The following SORCS2 variants were observed in gnomAD, a reference collection of about 807,000 sequenced individuals.
SORCS2 encodes the protein VPS10 domain-containing receptor SorCS2.
A neutral mutation model predicts 141.6 loss-of-function variants in SORCS2; 100 were observed. The observed-to-expected ratio is 0.71, with a 90% CI of 0.60 to 0.83. The LOEUF is 0.83. Among genes scored for constraint, SORCS2 ranks in the 40% least tolerant of loss-of-function variants. The pLI, the probability that SORCS2 is intolerant of heterozygous loss-of-function variation, is 0.00. For synonymous variants in SORCS2, 789 were observed against 676.9 expected (o/e 1.17, Z -2.57); for missense variants, 1,646 against 1,560.2 (o/e 1.05, Z -0.93).
intron 2 of SORCS2, among the ~76,000 whole-genome samples, chr4:7,401,636 G>A (rs13126413): frequency 0.15 from 22,365 of 152,150 alleles, 1,792 homozygotes; most frequent in Non-Finnish European, 0.18. Flanking sequence ...GAGCACGGCT[G>A]TTGGGCAGAG....
At chr4:7,558,975 G>A (rs1421094312) in intron 3 of SORCS2, among the ~76,000 whole-genome samples, 2 of 152,164 alleles carry the variant, frequency 1.3e-5, no homozygotes, top group Non-Finnish European at 2.9e-5. Flanking sequence ...CCTGCCCGAT[G>A]TCCCTCCTGC....
chr4:7,506,317 C>T (rs1358546599), intron 2 of SORCS2, among the ~76,000 whole-genome samples: 5 of 152,248 alleles, frequency 3.3e-5, no homozygotes, highest in African/African-American at 9.6e-5. Context: ...AAATATTTGG[C>T]GTCCAGCTCC....
At chr4:7,472,930 C>T (rs984388842) in intron 2 of SORCS2, among the ~76,000 whole-genome samples, 1 of 141,848 alleles carries the variant, frequency 7.0e-6, no homozygotes, top group Non-Finnish European at 1.5e-5. Context: ...AAAAAAAAAA[C>T]AAAATAGCCC....
chr4:7,661,379 C>A, intron 5 of SORCS2, 121 bp from the exon 6 acceptor site: 7 of 1,029,512 alleles, frequency 6.8e-6, no homozygotes, highest in Non-Finnish European at 1.0e-5. Context: ...CCTCCGGACC[C>A]ACAGAGCAAG....
intron 1 of SORCS2, among the ~76,000 whole-genome samples, chr4:7,378,944 T>C (rs1353007463): frequency 6.6e-6 from 1 of 152,204 alleles, no homozygotes; most frequent in Non-Finnish European, 1.5e-5. Flanking sequence ...TGACCCTGGC[T>C]GAGTGGGATG....
chr4:7,393,875 C>T (rs1010154317), intron 1 of SORCS2, among the ~76,000 whole-genome samples: 3 of 152,088 alleles, frequency 2.0e-5, no homozygotes, highest in Non-Finnish European at 2.9e-5. Flanking sequence ...TCTGCTAGTG[C>T]AGAGCCAAGC....
At chr4:7,376,492 G>A (rs1402461572) in intron 1 of SORCS2, among the ~76,000 whole-genome samples, 16 of 152,264 alleles carry the variant, frequency 1.1e-4, no homozygotes, top group South Asian at 4.1e-4. Flanking sequence ...CAGGAGAATC[G>A]CTTGAACCCA....
At chr4:7,717,599 G>A (rs1002556257) in intron 17 of SORCS2, among the ~76,000 whole-genome samples, 1 of 152,248 alleles carries the variant, frequency 6.6e-6, no homozygotes, top group Non-Finnish European at 1.5e-5. Context: ...CTGTGAGCCA[G>A]TGGCGAGGTG....
chr4:7,347,242 G>A (rs1333912139), intron 1 of SORCS2, among the ~76,000 whole-genome samples: 1 of 152,170 alleles, frequency 6.6e-6, no homozygotes. Context: ...ACCTGTGCCA[G>A]TCCTACTTTC....
intron 2 of SORCS2, among the ~76,000 whole-genome samples, chr4:7,461,208 A>G (rs1485223488): frequency 1.3e-5 from 2 of 152,188 alleles, no homozygotes; most frequent in African/African-American, 4.8e-5. Flanking sequence ...TAAAATAATT[A>G]CTGCCTTCGC....
intron 1 of SORCS2, among the ~76,000 whole-genome samples, chr4:7,259,070 G>C (rs973047328): frequency 6.6e-6 from 1 of 152,082 alleles, no homozygotes; most frequent in Non-Finnish European, 1.5e-5. Flanking sequence ...CTCCTATTCC[G>C]TAGGTTGCCT....
rs770678747 is a variant in SORCS2, at chr4:7,676,064, C to T, written c.1176C>T (p.Ile392=). ...CATCCCCACAGGATCTGCAGATCAT[C>T]AGCACGGACGAGAGTCAGGTGTTCG... is the stretch of plus-strand genomic sequence containing the variant. ...KYALPKDLQI[I]STDESQVFVA... is the part of the protein sequence containing the mutation. Residue 392 remains isoleucine, a synonymous_variant, in exon 9 of 27, where the codon ATC becomes ATT. Transcript: ENST00000507866. 2 of 1,586,732 alleles carry T rather than the reference C, an allele frequency of 1.3e-6. No individual in the cohort carries two copies. The highest frequency in any genetic ancestry group is 1.7e-6 in the Non-Finnish European group (2 of 1,165,680).
intron 9 of SORCS2, among the ~76,000 whole-genome samples, chr4:7,682,090 G>C (rs1026552688): frequency 6.6e-6 from 1 of 152,200 alleles, no homozygotes; most frequent in Non-Finnish European, 1.5e-5. Context: ...ATAGTTGCAC[G>C]TTTCTTATAG....
At position 7,473,660 on chromosome 4, in the gene SORCS2, G is replaced by T. The variant is rs143903729; in HGVS notation, c.549-57870G>T. 1.7e-3 allele frequency among the ~76,000 whole-genome samples: 266 copies of T among 152,266 alleles called. 3 individuals are homozygous for T. Among genetic ancestry groups the T allele is most frequent in the African/African-American group, 6.2e-3 (257 of 41,560 alleles). On this transcript the variant is annotated intron_variant, in intron 2 of 26. Transcript: ENST00000507866. Reference sequence around the variant, plus strand: ...CATAGGCGTGTCCGTCACCCTGGAGGCAGTGATGATGGCTGGGCGGTAGCA... The same window carrying T: ...CATAGGCGTGTCCGTCACCCTGGAGTCAGTGATGATGGCTGGGCGGTAGCA...
Position 7,373,458 on chromosome 4 carries a change from T to TATATATATATA in SORCS2, c.481-22830_481-22829insATATATATATA, listed in dbSNP as rs60884163. The stretch of plus-strand genomic sequence containing the variant: ...TGTTGTATTGAATTGTGAGAAACTT[T>TATATATATATA]TATATATATATATATATATATTTTT... On this transcript the variant is annotated intron_variant, in intron 1 of 26. Transcript: ENST00000507866. 1.6e-3 allele frequency among the ~76,000 whole-genome samples: 133 copies of TATATATATATA among 82,668 alleles called. 18 individuals carry two copies. Among genetic ancestry groups the TATATATATATA allele is most frequent in the African/African-American group, 3.5e-3 (49 of 14,050 alleles). The allele number at this position is 82,668 out of a possible 152,430, so 54.2% of individuals were successfully genotyped here.
chr4:7,581,939 T>A (rs1364213586), intron 3 of SORCS2, among the ~76,000 whole-genome samples: 1 of 152,244 alleles, frequency 6.6e-6, no homozygotes, highest in Non-Finnish European at 1.5e-5. Flanking sequence ...TATATCTTTA[T>A]TTCATAGTCG....
intron 2 of SORCS2, among the ~76,000 whole-genome samples, chr4:7,498,976 C>A (rs796904996): frequency 2.0e-5 from 3 of 152,048 alleles, no homozygotes; most frequent in African/African-American, 4.8e-5. Context: ...AAGAGGGAGC[C>A]GGCTGAGGCT....
At chr4:7,264,832 C>T (rs1253478828) in intron 1 of SORCS2, among the ~76,000 whole-genome samples, 2 of 152,234 alleles carry the variant, frequency 1.3e-5, no homozygotes, top group Middle Eastern at 3.2e-3. Flanking sequence ...CCGTGCAGCC[C>T]TGCTGCTGGC....
intron 3 of SORCS2, among the ~76,000 whole-genome samples, chr4:7,632,782 G>A (rs74375003): frequency 0.019 from 2,883 of 152,310 alleles, 82 homozygotes; most frequent in South Asian, 0.12. Flanking sequence ...GCACTGCCAG[G>A]CTGAGAGGCT....
Sources: gnomAD v4.1 joint callset for allele counts (sites outside exome capture counted in the v4.1 genomes callset) on GRCh38, gnomAD v4.1.1 for gene constraint, MANE v1.5 for transcripts, NCBI Gene and HGNC (gene_info 2026-07-23, HGNC 2026-07-21) for gene names.